The following RFX3 variants were observed in gnomAD, a reference collection of about 807,000 sequenced individuals.
RFX3 encodes transcription factor RFX3.
Under a neutral mutation model 98.6 loss-of-function variants are expected in RFX3, and 14 were observed. The observed-to-expected ratio is 0.14, with a 90% CI of 0.09 to 0.22. The LOEUF is 0.22. Ranked by LOEUF, RFX3 falls within the 10% of genes least tolerant of loss-of-function variation. The pLI, the probability that RFX3 is intolerant of heterozygous loss-of-function variation, is 1.00. For synonymous variants in RFX3, 383 were observed against 328.4 expected, an observed-to-expected ratio of 1.17 and a Z score of -1.80; for missense variants, 639 against 926.9, an observed-to-expected ratio of 0.69 and a Z score of 4.03.
chr9:3,339,621 T>G (rs1223432015), intron 3 of RFX3, among the ~76,000 whole-genome samples: 1 of 152,174 alleles, frequency 6.6e-6, no homozygotes, highest in African/African-American at 2.4e-5. Context: ...GCACCTATCA[T>G]GGGCCACTGT....
chr9:3,321,330 T>C (rs1352141543), intron 4 of RFX3, among the ~76,000 whole-genome samples: 1 of 152,242 alleles, frequency 6.6e-6, no homozygotes. Flanking sequence ...AGGATATGTG[T>C]ATTTTTAATT....
At chr9:3,523,070 A>G (rs1331505591) in intron 1 of RFX3, among the ~76,000 whole-genome samples, 8 of 152,216 alleles carry the variant, frequency 5.3e-5, no homozygotes, top group Non-Finnish European at 7.3e-5. Context: ...AGTTTGCCAT[A>G]TATGTGTATA....
chr9:3,238,045 A>T (rs1819407331), intron 15 of RFX3, among the ~76,000 whole-genome samples: 2 of 152,154 alleles, frequency 1.3e-5, no homozygotes, highest in Non-Finnish European at 1.5e-5. Context: ...CCAATATATG[A>T]ACAGACAGTT....
At chr9:3,361,077 T>G (rs1245665526) in intron 2 of RFX3, among the ~76,000 whole-genome samples, 1 of 152,208 alleles carries the variant, frequency 6.6e-6, no homozygotes, top group African/African-American at 2.4e-5. Context: ...ATCATTTTAA[T>G]AGACCTACAA....
At chr9:3,405,826 C>A (rs1388954200) in intron 1 of RFX3, among the ~76,000 whole-genome samples, 1 of 152,118 alleles carries the variant, frequency 6.6e-6, no homozygotes, top group Admixed American at 6.6e-5. Flanking sequence ...AACTGCAAAC[C>A]CTTACTTAAC....
chr9:3,237,972 CAAA>C (rs760381489), intron 15 of RFX3, among the ~76,000 whole-genome samples: 2 of 96,786 alleles, frequency 2.1e-5, no homozygotes, highest in African/African-American at 3.6e-5. Context: ...GACCCTGTCT[CAAA>C]AAAAAAAAAA....
chr9:3,359,392 G>A (rs1836152399), intron 2 of RFX3, among the ~76,000 whole-genome samples: 3 of 152,072 alleles, frequency 2.0e-5, no homozygotes. Context: ...GTGAGGCTCT[G>A]CCTTTGTTAT....
chr9:3,428,302 T>C (rs1418435625), intron 1 of RFX3, among the ~76,000 whole-genome samples: 1 of 152,194 alleles, frequency 6.6e-6, no homozygotes, highest in Non-Finnish European at 1.5e-5. Context: ...CCAACTTGTA[T>C]AATTTATCAG....
intron 1 of RFX3, among the ~76,000 whole-genome samples, chr9:3,494,427 A>AG (rs1435838827): frequency 2.6e-5 from 4 of 152,172 alleles, no homozygotes; most frequent in Admixed American, 1.3e-4. Flanking sequence ...CACCAAAAAA[A>AG]GTCAGATTTG....
chr9:3,228,647 T>C (rs1414262167), intron 16 of RFX3, among the ~76,000 whole-genome samples, 200 bp downstream of exon 16: 3 of 152,214 alleles, frequency 2.0e-5, no homozygotes, highest in Non-Finnish European at 4.4e-5. Flanking sequence ...GTTATCTGCA[T>C]TTAATATACC....
intron 14 of RFX3, among the ~76,000 whole-genome samples, chr9:3,250,903 T>C (rs555532320): frequency 1.3e-5 from 2 of 152,302 alleles, no homozygotes; most frequent in East Asian, 1.9e-4. Flanking sequence ...TTGGAATATC[T>C]AATACTTTAT....
intron 1 of RFX3, among the ~76,000 whole-genome samples, chr9:3,493,568 C>T (rs1458287554): frequency 1.3e-5 from 2 of 151,154 alleles, no homozygotes; most frequent in Non-Finnish European, 3.0e-5. Context: ...CCTGTATTCC[C>T]AGCTACTCAG....
chr9:3,229,119 A>T (rs1262296632), intron 15 of RFX3, among the ~76,000 whole-genome samples: 1 of 152,184 alleles, frequency 6.6e-6, no homozygotes, highest in African/African-American at 2.4e-5. Flanking sequence ...GAAGGATAAC[A>T]ATTTTCTCTG....
intron 4 of RFX3, among the ~76,000 whole-genome samples, chr9:3,320,691 CATAT>C (rs1196364198): frequency 2.1e-5 from 3 of 145,620 alleles, no homozygotes; most frequent in African/African-American, 7.6e-5. Flanking sequence ...TAAATGTGTA[CATAT>C]GTGTGTGTGC....
intron 1 of RFX3, among the ~76,000 whole-genome samples, chr9:3,424,125 C>A (rs937074772): frequency 2.7e-5 from 4 of 149,434 alleles, no homozygotes; most frequent in Non-Finnish European, 5.9e-5. Flanking sequence ...CCAGCCTGGG[C>A]GACAGAGGGA....
chr9:3,465,136 T>C lies in RFX3; in HGVS notation c.-9+60611A>G, dbSNP rs1848087646. Among the ~76,000 whole-genome samples, 3 of 152,150 alleles carry C rather than the reference T, an allele frequency of 2.0e-5. No individual in the cohort carries two copies. The South Asian group carries it at 6.2e-4, about 31-fold the overall frequency. On this transcript the variant is annotated intron_variant, in intron 1 of 16. Coordinates refer to ENST00000617270, the MANE Select transcript of RFX3 (RefSeq NM_001282116.2). ...GGTCATTCTTTTCCAGAGGGGAACC[T>C]TCCCCAAACCCTTGCAATCTGAACT... is the stretch of plus-strand genomic sequence containing the variant.
At chr9:3,388,594 G>GAAA (rs936154365) in intron 2 of RFX3, among the ~76,000 whole-genome samples, 3 of 151,826 alleles carry the variant, frequency 2.0e-5, no homozygotes, top group Non-Finnish European at 4.4e-5. Flanking sequence ...GCAATTTATA[G>GAAA]AAAAAAACAA....
chr9:3,429,177 C>T (rs1844408236), intron 1 of RFX3, among the ~76,000 whole-genome samples: 3 of 151,202 alleles, frequency 2.0e-5, no homozygotes, highest in East Asian at 1.9e-4. Context: ...CGCCCGCCAA[C>T]ACGTCCGGCT....
chr9:3,262,868 T>G lies in RFX3; in HGVS notation c.1605+67A>C, dbSNP rs758007554. On this transcript the variant is annotated intron_variant, in intron 13 of 16. Coordinates refer to ENST00000617270, the MANE Select transcript of RFX3 (RefSeq NM_001282116.2). ...GAGACTTTGAAAAGAAATTTGATGA[T>G]CCCAATTAAGAAGAACAAATTGGGT... The G allele has an allele frequency of 7.3e-4, 1,075 of 1,482,184 alleles. 7 individuals are homozygous for G. The highest frequency in any genetic ancestry group is 6.6e-4 in the Non-Finnish European group (705 of 1,074,188). 91.8% of individuals were successfully genotyped at this position (1,482,184 alleles called of 1,614,324 possible).
Sources: allele counts gnomAD v4.1 joint callset (sites outside exome capture counted in the v4.1 genomes callset), GRCh38; gene constraint gnomAD v4.1.1; transcripts MANE v1.5; gene names NCBI Gene and HGNC (gene_info 2026-07-23, HGNC 2026-07-21).